Variants in COL28A1 observed in about 807,000 individuals in gnomAD.
COL28A1 encodes the protein collagen type XXVIII alpha 1 chain.
A neutral mutation model predicts 150.2 loss-of-function variants in COL28A1; 161 were observed. The ratio of observed to expected loss-of-function variants is 1.07; its 90% confidence interval spans 0.94 to 1.22. The LOEUF (loss-of-function observed/expected upper bound fraction) is 1.22, where lower values mean the gene tolerates loss of function less well. COL28A1 is among the 50% of genes most tolerant of loss of function. COL28A1 has a pLI of 0.00. For missense variants in COL28A1, 1,617 were observed against 1,388.3 expected (o/e 1.16, Z -2.62); for synonymous variants, 552 against 469.7 (o/e 1.18, Z -2.26).
At chr7:7,404,043 G>A (rs541420567) in intron 27 of COL28A1, among the ~76,000 whole-genome samples, 31 of 152,242 alleles carry the variant, frequency 2.0e-4, no homozygotes, top group Admixed American at 2.6e-4. Context: ...CTCAGCCCAA[G>A]AGTCACAGTC....
chr7:7,443,466 T>C, intron 20 of COL28A1, 119 bp downstream of exon 20: 1 of 1,457,450 alleles, frequency 6.9e-7, no homozygotes. Context: ...ATTCATACTT[T>C]TAAGCCAGAC....
chr7:7,457,845 T>TA (rs1033864409), intron 15 of COL28A1, among the ~76,000 whole-genome samples: 8 of 152,170 alleles, frequency 5.3e-5, no homozygotes, highest in African/African-American at 1.9e-4. Flanking sequence ...CTGGATTGAG[T>TA]AACATGGTTA....
the COL28A1 span, among the ~76,000 whole-genome samples, chr7:7,342,099 T>C: frequency 0.12 from 18,223 of 152,180 alleles, 1,282 homozygotes; most frequent in African/African-American, 0.18. Flanking sequence ...CCTTTCACTT[T>C]ATATCTTTTG....
intron 11 of COL28A1, among the ~76,000 whole-genome samples, chr7:7,494,053 A>ATGTGAG (rs1780070130): frequency 6.6e-6 from 1 of 152,156 alleles, no homozygotes; most frequent in Non-Finnish European, 1.5e-5. Context: ...ATGTGTGTGA[A>ATGTGAG]TGTGAGTGTG....
intron 32 of COL28A1, among the ~76,000 whole-genome samples, chr7:7,371,528 T>C (rs1421876801): frequency 6.6e-6 from 1 of 152,228 alleles, no homozygotes; most frequent in African/African-American, 2.4e-5. Context: ...GAGGCACTGA[T>C]GGGCTGTGCC....
chr7:7,504,220 G>A (rs1036085036), intron 11 of COL28A1, among the ~76,000 whole-genome samples: 1 of 152,170 alleles, frequency 6.6e-6, no homozygotes, highest in Non-Finnish European at 1.5e-5. Flanking sequence ...AGTTGAGCCA[G>A]GTATGGTGGC....
intron 27 of COL28A1, among the ~76,000 whole-genome samples, chr7:7,392,902 C>T (rs894079686): frequency 6.6e-6 from 1 of 152,134 alleles, no homozygotes; most frequent in Non-Finnish European, 1.5e-5. Flanking sequence ...TTCTTAGCTT[C>T]CTTGCATTGG....
At chr7:7,454,264 C>A (rs372136850) in intron 16 of COL28A1, among the ~76,000 whole-genome samples, 6 of 152,030 alleles carry the variant, frequency 3.9e-5, no homozygotes, top group East Asian at 3.9e-4. Context: ...GGAAAACATT[C>A]ATTTTTATGA....
the COL28A1 span, among the ~76,000 whole-genome samples, chr7:7,347,121 T>G: frequency 3.3e-5 from 5 of 152,186 alleles, no homozygotes; most frequent in Admixed American, 2.6e-4. Flanking sequence ...AATTATAATG[T>G]CCACACTAGC....
At chr7:7,534,804 C>T (rs1782555423) in intron 1 of COL28A1, among the ~76,000 whole-genome samples, 1 of 152,006 alleles carries the variant, frequency 6.6e-6, no homozygotes, top group South Asian at 2.1e-4. Flanking sequence ...GACAATAATC[C>T]CAGTATCTCA....
chr7:7,374,038 A>AAAAATAT, intron 31 of COL28A1, among the ~76,000 whole-genome samples: 5 of 113,628 alleles, frequency 4.4e-5, no homozygotes, highest in African/African-American at 1.9e-4. Flanking sequence ...AAAAAAAAAA[A>AAAAATAT]ATATATATAT....
intron 27 of COL28A1, among the ~76,000 whole-genome samples, chr7:7,389,113 G>GA (rs1562525527): frequency 6.6e-6 from 1 of 151,016 alleles, no homozygotes; most frequent in Non-Finnish European, 1.5e-5. Flanking sequence ...TTCTTCTAGG[G>GA]TTTTTTTTTA....
chr7:7,527,768 C>T (rs1315116424), intron 3 of COL28A1, among the ~76,000 whole-genome samples: 1 of 152,054 alleles, frequency 6.6e-6, no homozygotes, highest in East Asian at 1.9e-4. Context: ...TATGCAAAAC[C>T]AGAATGCTAG....
At chr7:7,446,688 G>A (rs965410028) in intron 18 of COL28A1, among the ~76,000 whole-genome samples, 2 of 152,174 alleles carry the variant, frequency 1.3e-5, no homozygotes, top group Non-Finnish European at 2.9e-5. Flanking sequence ...TTCTCCCTAT[G>A]AGACATAGCA....
At chr7:7,490,434 T>C (rs1251500561) in intron 12 of COL28A1, 144 bp downstream of exon 12, 7 of 466,362 alleles carry the variant, frequency 1.5e-5, no homozygotes, top group Non-Finnish European at 2.7e-5. Context: ...CACATTTCTG[T>C]GTCCAAGCAC....
rs185272798 is a variant in COL28A1, at chr7:7,453,760, C to T, written c.1372-252G>A. On this transcript the variant is annotated intron_variant, in intron 16 of 34. Coordinates refer to ENST00000399429, the MANE Select transcript of COL28A1 (RefSeq NM_001037763.3). Reference sequence around the variant, plus strand: ...TTTCTCAGTCCCTGTTGCAGCCAGGCGTGGCCATGTGGGCTAGATTCTAGC... The same window carrying T: ...TTTCTCAGTCCCTGTTGCAGCCAGGTGTGGCCATGTGGGCTAGATTCTAGC... Among the ~76,000 whole-genome samples the T allele has an allele frequency of 1.4e-3, 213 of 152,236 alleles. 1 individual carries two copies. Among genetic ancestry groups the T allele is most frequent in the African/African-American group, 3.7e-3 (153 of 41,552 alleles).
rs147872427 is a variant in COL28A1 at position 7,511,129 on chromosome 7, G to C, written c.889C>G (p.Arg297Gly). Reference protein sequence around the residue: ...IPGYKGDKGERGECGKPGIKG... With the variant: ...IPGYKGDKGEGGECGKPGIKG... ...ATCCCTGGTTTACCACATTCCCCACGTTCACCCTAAAAAATAAATAAGTGA... is the reference window on the plus strand; with the variant it reads ...ATCCCTGGTTTACCACATTCCCCACCTTCACCCTAAAAAATAAATAAGTGA... The change falls in exon 9 of 35, where the codon CGT (arginine) becomes GGT (glycine). Residue 297 changes from arginine (R) to glycine (G), a missense_variant. Physicochemically the swap from Arg to Gly is moderately radical, Grantham distance 125. Transcript: ENST00000399429. 1 of 1,610,942 alleles carries C rather than the reference G, an allele frequency of 6.2e-7. No homozygotes were observed. Among genetic ancestry groups the C allele is most frequent in the African/African-American group, 1.3e-5 (1 of 74,790 alleles).
intron 1 of COL28A1, among the ~76,000 whole-genome samples, chr7:7,535,472 T>G (rs1360058381): frequency 1.3e-5 from 2 of 152,106 alleles, no homozygotes; most frequent in Non-Finnish European, 2.9e-5. Context: ...TGTTCCAAAT[T>G]AAGAAAAAGA....
intron 23 of COL28A1, among the ~76,000 whole-genome samples, 189 bp from the exon 24 acceptor site, chr7:7,432,889 T>C (rs559937158): frequency 1.3e-5 from 2 of 152,190 alleles, no homozygotes; most frequent in South Asian, 2.1e-4. Context: ...AGAAGAAGTA[T>C]AAAAAAGAAA....
Sources: allele counts gnomAD v4.1 joint callset (sites outside exome capture counted in the v4.1 genomes callset), GRCh38; gene constraint gnomAD v4.1.1; transcripts MANE v1.5; gene names NCBI Gene and HGNC (gene_info 2026-07-23, HGNC 2026-07-21).